The following RAB35 variants were observed in gnomAD, a reference collection of about 807,000 sequenced individuals.
RAB35 encodes RAB35, member RAS oncogene family.
A neutral mutation model predicts 28.9 loss-of-function variants in RAB35; 4 were observed. The observed-to-expected ratio is 0.14, with a 90% CI of 0.07 to 0.32. The LOEUF is 0.32. Among genes scored for constraint, RAB35 ranks in the 10% least tolerant of loss-of-function variants. The probability of loss-of-function intolerance (pLI) is 1.00; values close to 1 mark genes in which losing one functional copy is unlikely to be tolerated. For synonymous variants in RAB35, 99 were observed against 105.1 expected (o/e 0.94, Z 0.35); for missense variants, 128 against 274.0 (o/e 0.47, Z 3.76).
intron 1 of RAB35, among the ~76,000 whole-genome samples, chr12:120,114,559 T>G (rs1876252940): frequency 6.6e-6 from 1 of 152,216 alleles, no homozygotes; most frequent in African/African-American, 2.4e-5. Context: ...AGTCTGGACT[T>G]CCATGGCTAC....
chr12:120,103,893 C>T lies in RAB35; in HGVS notation c.160G>A (p.Gly54Arg), dbSNP rs984926660. 7.4e-6 allele frequency: 12 copies of T among 1,614,156 alleles called. No homozygotes were observed. The highest frequency in any genetic ancestry group is 6.7e-5 in the Admixed American group (4 of 60,028). Residue 54 changes from glycine (G) to arginine (R), a missense_variant, in exon 3 of 6, where the codon GGG (glycine) becomes AGG (arginine). Transcript: ENST00000229340. This position sits in a 1 kb window ranked among gnomAD's most constrained non-coding sequence, Gnocchi z 6.1. Reference protein sequence around the residue: ...DFKIRTVEINGEKVKLQIWDT... With the variant: ...DFKIRTVEINREKVKLQIWDT... ...CAGATCTGCAGCTTCACCTTCTCCC[C>T]GTTGATCTCCACGGTCCGGATCTTG...
In RAB35 at chr12:120,097,120, T is replaced by C. The variant is rs1275386889; in HGVS notation, c.*125A>G. On this transcript the variant is annotated 3_prime_UTR_variant, in exon 6 of 6. Transcript: ENST00000229340. Reference sequence around the variant, plus strand: ...AGGAAGTGCCGATGGCACCTCCCGATACAAAAACATGGAGAGAATTCTTTA... The same window carrying C: ...AGGAAGTGCCGATGGCACCTCCCGACACAAAAACATGGAGAGAATTCTTTA... 6.2e-7 allele frequency: 1 copy of C among 1,601,384 alleles called. No homozygotes were observed. Among genetic ancestry groups the C allele is most frequent in the Non-Finnish European group, 8.5e-7 (1 of 1,177,198 alleles).
intron 1 of RAB35, 146 bp downstream of exon 1, chr12:120,116,453 G>A (rs1228251587): frequency 2.1e-6 from 1 of 477,304 alleles, no homozygotes; most frequent in Non-Finnish European, 2.7e-6. Context: ...GGAGCCCCTC[G>A]GCGCACCCCT....
Position 120,095,939 on chromosome 12 carries a change from T to C in RAB35, c.*1306A>G, listed in dbSNP as rs1038390028. 12 of 157,966 alleles carry C rather than the reference T, an allele frequency of 7.6e-5. No homozygotes were observed. The highest frequency in any genetic ancestry group is 2.9e-4 in the African/African-American group (12 of 41,544). The allele number at this position is 157,966 out of a possible 1,614,324, so 9.8% of individuals were successfully genotyped here. A position where few individuals can be genotyped will look rare whatever the true frequency, so the allele number is the denominator to read the frequency against. On this transcript the variant is annotated 3_prime_UTR_variant, in exon 6 of 6. Transcript: ENST00000229340. ...CTTGATCCCTGTAGTGGGAGGGGAATGAGGTGTCCGGGCTGGGGGTCGGGG... is the reference window on the plus strand; with the variant it reads ...CTTGATCCCTGTAGTGGGAGGGGAACGAGGTGTCCGGGCTGGGGGTCGGGG...
chr12:120,106,499 T>G (rs1403341098), intron 2 of RAB35, among the ~76,000 whole-genome samples: 2 of 151,760 alleles, frequency 1.3e-5, no homozygotes, highest in Non-Finnish European at 2.9e-5. Context: ...ACCACACCAC[T>G]AGTGAGATTG....
chr12:120,099,796 G>A (rs763890839), intron 3 of RAB35, among the ~76,000 whole-genome samples: 2 of 152,220 alleles, frequency 1.3e-5, no homozygotes, highest in African/African-American at 4.8e-5. Context: ...AAGGCCAGAA[G>A]GAAGGGGAGG....
chr12:120,116,031 A>ATTAAAC (rs1464260286), intron 1 of RAB35, among the ~76,000 whole-genome samples: 1 of 152,120 alleles, frequency 6.6e-6, no homozygotes, highest in African/African-American at 2.4e-5. Context: ...TTTAAACCTC[A>ATTAAAC]CGGCAATCCC....
In RAB35 at chr12:120,097,199, C is replaced by T. The variant is rs1353343209; in HGVS notation, c.*46G>A. The T allele has an allele frequency of 6.2e-7, 1 of 1,613,998 alleles. No homozygotes were observed. The highest frequency in any genetic ancestry group is 2.2e-5 in the East Asian group (1 of 44,870). Reference sequence around the variant, plus strand: ...CCGAGGAACCTCCGTGGGCCTCGGGCTGGGGGAGGGACCGCAGTGCAGTCT... The same window carrying T: ...CCGAGGAACCTCCGTGGGCCTCGGGTTGGGGGAGGGACCGCAGTGCAGTCT... On this transcript the variant is annotated 3_prime_UTR_variant, in exon 6 of 6. Transcript: ENST00000229340.
intron 3 of RAB35, 85 bp from the exon 4 acceptor site, chr12:120,099,239 T>A: frequency 6.4e-7 from 1 of 1,559,176 alleles, no homozygotes; most frequent in Non-Finnish European, 8.7e-7. Context: ...GTCAGGACAC[T>A]GACCCGGAAA....
chr12:120,099,013 C>G lies in RAB35; in HGVS notation c.352+17G>C. ...CTCTCCCACCCAACCCCGACCCGGC[C>G]CTGAGTGCAGCCTCACCTAATATTC... On this transcript the variant is annotated intron_variant, in intron 4 of 5. Transcript: ENST00000229340. 6.2e-7 allele frequency: 1 copy of G among 1,614,154 alleles called. No individual in the cohort carries two copies. Among genetic ancestry groups the G allele is most frequent in the Non-Finnish European group, 8.5e-7 (1 of 1,179,962 alleles).
intron 1 of RAB35, 113 bp from the exon 2 acceptor site, chr12:120,108,580 G>GTCCC: frequency 3.2e-6 from 3 of 946,296 alleles, no homozygotes; most frequent in Non-Finnish European, 3.4e-6. Context: ...AGCTCGGTGG[G>GTCCC]ACCCAGCTCA....
At chr12:120,101,897 A>T (rs1875674280) in intron 3 of RAB35, among the ~76,000 whole-genome samples, 1 of 152,204 alleles carries the variant, frequency 6.6e-6, no homozygotes, top group Non-Finnish European at 1.5e-5. Context: ...CCAGCCCAGA[A>T]AGCAGCTGAC....
intron 1 of RAB35, among the ~76,000 whole-genome samples, chr12:120,113,047 C>T (rs1392630856): frequency 6.6e-6 from 1 of 151,868 alleles, no homozygotes; most frequent in Non-Finnish European, 1.5e-5. Flanking sequence ...CGTACCACCA[C>T]ACCCAACTAA....
At position 120,096,965 on chromosome 12, in the gene RAB35, C is replaced by T; in HGVS notation, c.*280G>A. The T allele has an allele frequency of 7.0e-7, 1 of 1,435,206 alleles. No individual in the cohort carries two copies. The allele number at this position is 1,435,206 out of a possible 1,614,324, so 88.9% of individuals were successfully genotyped here. ...TAGAGCAATATACACTATGTACAGACTCTGCGAATCAGTCCGCTCGGCGGG... is the reference window on the plus strand; with the variant it reads ...TAGAGCAATATACACTATGTACAGATTCTGCGAATCAGTCCGCTCGGCGGG... On this transcript the variant is annotated 3_prime_UTR_variant, in exon 6 of 6. Transcript: ENST00000229340.
chr12:120,096,633 T>C lies in RAB35; in HGVS notation c.*612A>G. 1.6e-6 allele frequency: 2 copies of C among 1,289,878 alleles called. No homozygotes were observed. Among genetic ancestry groups the C allele is most frequent in the Non-Finnish European group, 2.0e-6 (2 of 988,880 alleles). 79.9% of individuals were successfully genotyped at this position (1,289,878 alleles called of 1,614,324 possible). On this transcript the variant is annotated 3_prime_UTR_variant, in exon 6 of 6. Transcript: ENST00000229340. ...CTGCAGGGCCTGCCTTGAGACCAGG[T>C]TCCCCAGCTCCCAGAATGGCTGTGG... is the stretch of plus-strand genomic sequence containing the variant.
rs1215472809 is a variant in RAB35, at chr12:120,103,800, G to A, written c.227+26C>T. The A allele has an allele frequency of 6.2e-7, 1 of 1,612,830 alleles. No individual in the cohort carries two copies. The highest frequency in any genetic ancestry group is 8.5e-7 in the Non-Finnish European group (1 of 1,179,452). Reference sequence around the variant, plus strand: ...TGTCCACAGGTCAGTGGCGCGGGTTGGGTGGGAGTGGGCGTGTGGACTCAC... The same window carrying A: ...TGTCCACAGGTCAGTGGCGCGGGTTAGGTGGGAGTGGGCGTGTGGACTCAC... On this transcript the variant is annotated intron_variant, in intron 3 of 5. Coordinates refer to ENST00000229340, the MANE Select transcript of RAB35 (RefSeq NM_006861.7). This position sits in a 1 kb window ranked among gnomAD's most constrained non-coding sequence, Gnocchi z 6.1.
chr12:120,098,003 C>T (rs922420465), intron 5 of RAB35, among the ~76,000 whole-genome samples: 1 of 151,916 alleles, frequency 6.6e-6, no homozygotes, highest in Non-Finnish European at 1.5e-5. Flanking sequence ...CCTGCCTCAG[C>T]CTCCCGAGTA....
intron 3 of RAB35, among the ~76,000 whole-genome samples, chr12:120,102,752 C>T (rs576713781): frequency 1.6e-4 from 24 of 152,302 alleles, no homozygotes; most frequent in African/African-American, 4.3e-4. Context: ...TGGGGAGTGC[C>T]GGGCTTTCAT....
chr12:120,106,591 C>CTTTTTTT (rs10709764), intron 2 of RAB35, among the ~76,000 whole-genome samples: 1 of 102,744 alleles, frequency 9.7e-6, no homozygotes, highest in Non-Finnish European at 2.0e-5. Context: ...CTTTCTTTTT[C>CTTTTTTT]TTTTTTTTTT....
Sources: gnomAD v4.1 joint callset for allele counts (sites outside exome capture counted in the v4.1 genomes callset) on GRCh38, gnomAD v4.1.1 for gene constraint, Gnocchi (gnomAD v3.1) non-coding constraint, MANE v1.5 for transcripts, NCBI Gene and HGNC (gene_info 2026-07-23, HGNC 2026-07-21) for gene names.